Variants in CTNNBL1 observed in about 807,000 individuals in gnomAD.
CTNNBL1 encodes the protein beta-catenin-like protein 1.
A neutral mutation model predicts 72.7 loss-of-function variants in CTNNBL1; 31 were observed. The observed-to-expected ratio is 0.43, with a 90% CI of 0.32 to 0.58. CTNNBL1 has a LOEUF of 0.58. Ranked by LOEUF, CTNNBL1 falls within the 20% of genes least tolerant of loss-of-function variation. The probability of loss-of-function intolerance (pLI) is 0.08; values close to 1 mark genes in which losing one functional copy is unlikely to be tolerated. For missense variants in CTNNBL1, 534 were observed against 725.1 expected (o/e 0.74, Z 3.03); for synonymous variants, 240 against 267.3 (o/e 0.90, Z 1.00).
intron 4 of CTNNBL1, among the ~76,000 whole-genome samples, chr20:37,753,935 G>C (rs529504502): frequency 6.6e-6 from 1 of 152,252 alleles, no homozygotes; most frequent in South Asian, 2.1e-4. Context: ...CACGACCCCA[G>C]TTTTACAGAT....
intron 14 of CTNNBL1, 64 bp from the exon 15 acceptor site, chr20:37,860,208 T>C: frequency 1.3e-6 from 2 of 1,503,062 alleles, no homozygotes; most frequent in Non-Finnish European, 9.3e-7. Context: ...TTCAAGGTGA[T>C]ACATTCTGGT....
chr20:37,805,903 T>C (rs2071955905), intron 11 of CTNNBL1, among the ~76,000 whole-genome samples: 1 of 152,206 alleles, frequency 6.6e-6, no homozygotes. Context: ...TAAATGTTTC[T>C]TGACTGTGTG....
At chr20:37,819,872 C>CTTTT (rs368562087) in intron 11 of CTNNBL1, among the ~76,000 whole-genome samples, 32 of 121,220 alleles carry the variant, frequency 2.6e-4, no homozygotes, top group Non-Finnish European at 4.6e-4. Context: ...CTTTTAATAT[C>CTTTT]TTTTTTTTTT....
intron 10 of CTNNBL1, among the ~76,000 whole-genome samples, chr20:37,800,011 G>C (rs763747361): frequency 3.3e-5 from 5 of 152,180 alleles, no homozygotes; most frequent in Admixed American, 6.5e-5. Flanking sequence ...ACCCAGTCCT[G>C]GCTGGCTAGT....
At position 37,746,545 on chromosome 20, in the gene CTNNBL1, A is replaced by G; in HGVS notation, c.404A>G (p.His135Arg). ...HVVATMPDLY[H>R]LLVELNAVQS... ...GTGGCCACCATGCCAGACCTGTACC[A>G]CCTTCTGGTGGAGCTGAATGCTGTA... is the stretch of plus-strand genomic sequence containing the variant. Residue 135 changes from histidine (H) to arginine (R), a missense_variant, in exon 4 of 16, where the codon CAC becomes CGC. His to Arg is a conservative substitution (Grantham distance 29). Transcript: ENST00000361383. The G allele has an allele frequency of 6.2e-7, 1 of 1,613,986 alleles. No individual in the cohort carries two copies. Among genetic ancestry groups the G allele is most frequent in the Middle Eastern group, 1.7e-4 (1 of 6,056 alleles).
At chr20:37,762,555 T>C (rs972965835) in intron 5 of CTNNBL1, among the ~76,000 whole-genome samples, 2 of 152,208 alleles carry the variant, frequency 1.3e-5, no homozygotes, top group African/African-American at 4.8e-5. Context: ...CAGACAGTCC[T>C]GATTTCCAAG....
At chr20:37,800,842 G>A (rs2073818238) in intron 10 of CTNNBL1, among the ~76,000 whole-genome samples, 1 of 152,106 alleles carries the variant, frequency 6.6e-6, no homozygotes, top group South Asian at 2.1e-4. Flanking sequence ...CACACCAGTC[G>A]CCTGTCTACA....
rs754321298 is a variant in CTNNBL1, at chr20:37,746,466, AG to A, written c.327del. 1 of 1,611,994 alleles carries A rather than the reference AG, an allele frequency of 6.2e-7. No individual in the cohort carries two copies. Among genetic ancestry groups the A allele is most frequent in the Non-Finnish European group, 8.5e-7 (1 of 1,178,592 alleles). ...CTAATGATGTCTTGTTTTCCCTCCT[AG>A]GTTCATGGAATCCGAGCTGGACCTA... On this transcript the variant is annotated splice_acceptor_variant, in intron 3 of 15. Transcript: ENST00000361383. LOFTEE classifies it high-confidence loss of function.
Position 37,778,593 on chromosome 20 carries a change from A to G in CTNNBL1, c.883-594A>G, listed in dbSNP as rs1425319212. Among the ~76,000 whole-genome samples, 3 of 152,306 alleles carry G rather than the reference A, an allele frequency of 2.0e-5. No homozygotes were observed. The East Asian group carries it at 5.8e-4, about 29-fold the overall frequency. On this transcript the variant is annotated intron_variant, in intron 9 of 15. Coordinates refer to ENST00000361383, the MANE Select transcript of CTNNBL1 (RefSeq NM_030877.5). ...GCCTTACATCTCTGGCAAAAAGAAAACTAATGCTGTAAGCCCTTCCCATGA... is the reference window on the plus strand; with the variant it reads ...GCCTTACATCTCTGGCAAAAAGAAAGCTAATGCTGTAAGCCCTTCCCATGA...
rs188633032 is a variant in CTNNBL1, at chr20:37,791,326, T to C, written c.1032-11541T>C. Among the ~76,000 whole-genome samples the C allele has an allele frequency of 1.3e-3, 195 of 152,360 alleles. 1 individual carries two copies. The highest frequency in any genetic ancestry group is 9.5e-3 in the Admixed American group (146 of 15,300). On this transcript the variant is annotated intron_variant, in intron 10 of 15. Coordinates refer to ENST00000361383, the MANE Select transcript of CTNNBL1 (RefSeq NM_030877.5). Reference sequence around the variant, plus strand: ...TTAACTTTTTAAGGCACTGCCATACTGTTTACAAAATGGTTATAGCATTTT... The same window carrying C: ...TTAACTTTTTAAGGCACTGCCATACCGTTTACAAAATGGTTATAGCATTTT...
Position 37,872,085 on chromosome 20 carries a change from G to A in CTNNBL1, c.*72G>A. On this transcript the variant is annotated 3_prime_UTR_variant, in exon 16 of 16. Transcript: ENST00000361383. ...AGGATCAGTTTCTACACAACTCTGT[G>A]TGGCTTTTGGACAAATTAAAGCTAG... 7.4e-7 allele frequency: 1 copy of A among 1,348,484 alleles called. No homozygotes were observed. Among genetic ancestry groups the A allele is most frequent in the Non-Finnish European group, 1.1e-6 (1 of 940,856 alleles). The allele number at this position is 1,348,484 out of a possible 1,614,324, so 83.5% of individuals were successfully genotyped here.
Position 37,802,897 on chromosome 20 carries a change from G to C in CTNNBL1, c.1062G>C (p.Leu354=), listed in dbSNP as rs774596198. The C allele has an allele frequency of 6.2e-7, 1 of 1,613,562 alleles. No individual in the cohort carries two copies. The highest frequency in any genetic ancestry group is 1.1e-5 in the South Asian group (1 of 90,984). Residue 354 remains leucine (L), a synonymous_variant, in exon 11 of 16, where the codon CTG becomes CTC. Transcript: ENST00000361383. ...REKKISRSSA[L]KVLDHAMIGP... Reference sequence around the variant, plus strand: ...AGAAGATCTCCCGGAGCAGTGCCCTGAAAGTGCTGGACCATGCCATGATTG... The same window carrying C: ...AGAAGATCTCCCGGAGCAGTGCCCTCAAAGTGCTGGACCATGCCATGATTG...
chr20:37,723,660 T>A (rs1176329989), intron 1 of CTNNBL1, among the ~76,000 whole-genome samples: 1 of 152,252 alleles, frequency 6.6e-6, no homozygotes, highest in Non-Finnish European at 1.5e-5. Flanking sequence ...AATATGATGA[T>A]GATAACACCT....
intron 1 of CTNNBL1, among the ~76,000 whole-genome samples, chr20:37,717,406 A>G (rs1042680510): frequency 1.3e-5 from 2 of 152,226 alleles, no homozygotes; most frequent in African/African-American, 4.8e-5. Flanking sequence ...TTAGAAACTT[A>G]TAAAGTATCA....
At chr20:37,772,552 A>T (rs190803274) in intron 7 of CTNNBL1, among the ~76,000 whole-genome samples, 48 of 152,120 alleles carry the variant, frequency 3.2e-4, no homozygotes, top group Non-Finnish European at 6.0e-4. Context: ...GTTTCACCGT[A>T]TTAGCCAGGA....
At chr20:37,863,295 C>T (rs182187074) in intron 15 of CTNNBL1, among the ~76,000 whole-genome samples, 1 of 152,194 alleles carries the variant, frequency 6.6e-6, no homozygotes, top group Non-Finnish European at 1.5e-5. Context: ...AGGAACTACT[C>T]AGCTGGCCCT....
intron 1 of CTNNBL1, among the ~76,000 whole-genome samples, chr20:37,696,976 G>A (rs1180425284): frequency 4.0e-5 from 6 of 151,778 alleles, no homozygotes; most frequent in Non-Finnish European, 8.8e-5. Context: ...GAGGTTGGGA[G>A]TTTGAGACCA....
intron 11 of CTNNBL1, among the ~76,000 whole-genome samples, chr20:37,829,771 G>A (rs940229864): frequency 6.6e-6 from 1 of 152,060 alleles, no homozygotes; most frequent in East Asian, 1.9e-4. Flanking sequence ...GGCTGGGAGA[G>A]CATTTTCTCC....
intron 10 of CTNNBL1, among the ~76,000 whole-genome samples, chr20:37,782,170 A>C (rs2073631471): frequency 6.6e-6 from 1 of 152,216 alleles, no homozygotes; most frequent in South Asian, 2.1e-4. Context: ...TGAACAAAAC[A>C]GGGTTCCTGC....
Sources: allele counts gnomAD v4.1 joint callset (sites outside exome capture counted in the v4.1 genomes callset), GRCh38; gene constraint gnomAD v4.1.1; transcripts MANE v1.5; gene names NCBI Gene and HGNC (gene_info 2026-07-23, HGNC 2026-07-21).